Variants in AVL9 observed in about 807,000 individuals in gnomAD.
AVL9 encodes the protein late secretory pathway protein AVL9 homolog.
In AVL9, 49 loss-of-function variants were observed where a neutral mutation model predicts 79.2. The observed-to-expected ratio is 0.62, with a 90% CI of 0.49 to 0.79. AVL9 has a LOEUF of 0.79. AVL9 is among the 30% of genes least tolerant of loss of function. AVL9 has a pLI of 0.00. For synonymous variants in AVL9, 299 were observed against 280.6 expected, an observed-to-expected ratio of 1.07 and a Z score of -0.65; for missense variants, 682 against 776.8, an observed-to-expected ratio of 0.88 and a Z score of 1.45.
At chr7:32,505,750 T>C (rs2128114301) in intron 1 of AVL9, among the ~76,000 whole-genome samples, 1 of 152,236 alleles carries the variant, frequency 6.6e-6, no homozygotes, top group South Asian at 2.1e-4. Flanking sequence ...AAAAAAAGAG[T>C]AACTCAAACA....
intron 10 of AVL9, among the ~76,000 whole-genome samples, chr7:32,561,423 T>G (rs578006296): frequency 6.6e-6 from 1 of 152,218 alleles, no homozygotes; most frequent in East Asian, 1.9e-4. Flanking sequence ...TCTTAAACAT[T>G]GTGAGCTAAC....
At chr7:32,570,707 C>T (rs139685019) in intron 11 of AVL9, among the ~76,000 whole-genome samples, 9 of 151,346 alleles carry the variant, frequency 5.9e-5, no homozygotes, top group African/African-American at 1.9e-4. Flanking sequence ...GCAACCTCCA[C>T]CTCCTGGGTT....
intron 2 of AVL9, 80 bp from the exon 3 acceptor site, chr7:32,544,614 A>C: frequency 2.1e-6 from 2 of 959,960 alleles, no homozygotes; most frequent in South Asian, 1.5e-5. Context: ...TAATGACTGC[A>C]TTATGATAGC....
At chr7:32,582,798 C>G (rs896584796) in intron 15 of AVL9, among the ~76,000 whole-genome samples, 5 of 152,182 alleles carry the variant, frequency 3.3e-5, no homozygotes, top group Non-Finnish European at 5.9e-5. Context: ...GATCCTCCTT[C>G]CTCAGCCTAC....
chr7:32,579,031 A>T (rs1405218830), intron 13 of AVL9, among the ~76,000 whole-genome samples: 1 of 151,738 alleles, frequency 6.6e-6, no homozygotes, highest in Non-Finnish European at 1.5e-5. Flanking sequence ...CAATCCTGTG[A>T]TTCAGGAATC....
intron 1 of AVL9, among the ~76,000 whole-genome samples, chr7:32,506,027 A>C (rs1333143373): frequency 6.6e-6 from 1 of 152,134 alleles, no homozygotes; most frequent in Admixed American, 6.5e-5. Context: ...AAAACTATCC[A>C]TGAGGGTCAC....
chr7:32,527,763 A>C (rs1246009367), intron 1 of AVL9, among the ~76,000 whole-genome samples: 1 of 152,196 alleles, frequency 6.6e-6, no homozygotes, highest in African/African-American at 2.4e-5. Context: ...GCCTCTGGCA[A>C]ATCTTGGCCA....
chr7:32,496,531 A>G (rs1459348691), intron 1 of AVL9, among the ~76,000 whole-genome samples: 1 of 152,224 alleles, frequency 6.6e-6, no homozygotes, highest in Non-Finnish European at 1.5e-5. Flanking sequence ...TCTGAAATGG[A>G]ATATTTGCAA....
chr7:32,541,289 C>T (rs1301286164), intron 1 of AVL9, among the ~76,000 whole-genome samples: 3 of 151,970 alleles, frequency 2.0e-5, no homozygotes, highest in Admixed American at 6.6e-5. Context: ...AATTGGGGTA[C>T]ATAATGTTTG....
chr7:32,508,276 AT>A (rs1787501347), intron 1 of AVL9, among the ~76,000 whole-genome samples: 3 of 152,266 alleles, frequency 2.0e-5, no homozygotes, highest in African/African-American at 7.2e-5. Flanking sequence ...CATTTAAGAC[AT>A]TTTTACTAAT....
chr7:32,543,051 T>A (rs1056851596), intron 1 of AVL9, 90 bp from the exon 2 acceptor site: 33 of 1,529,152 alleles, frequency 2.2e-5, no homozygotes, highest in Non-Finnish European at 2.9e-5. Flanking sequence ...CCGACTTCTG[T>A]CATTCAGGGT....
intron 1 of AVL9, among the ~76,000 whole-genome samples, chr7:32,540,946 T>C (rs1000180295): frequency 7.8e-6 from 1 of 128,624 alleles, no homozygotes; most frequent in Admixed American, 9.7e-5. Flanking sequence ...TCGCCCAGGC[T>C]GGAGTGCAGT....
At chr7:32,539,533 C>G (rs1189008085) in intron 1 of AVL9, among the ~76,000 whole-genome samples, 3 of 152,172 alleles carry the variant, frequency 2.0e-5, no homozygotes, top group African/African-American at 7.2e-5. Flanking sequence ...CATAACACAG[C>G]AGATTTGGCT....
chr7:32,505,421 G>C (rs1787364774), intron 1 of AVL9, among the ~76,000 whole-genome samples: 2 of 151,534 alleles, frequency 1.3e-5, no homozygotes, highest in South Asian at 4.2e-4. Context: ...TACTCGGGAG[G>C]CTGAGGCACA....
rs948816152 is a variant in AVL9, at chr7:32,585,691, T to A, written c.*1784T>A. ...AAATGTCTCTAAATTTTCCACTTTG[T>A]GTTTTCTAAACACAAATTGTATTAC... On this transcript the variant is annotated 3_prime_UTR_variant, in exon 16 of 16. Transcript: ENST00000318709. 49 of 152,222 alleles carry A rather than the reference T, an allele frequency of 3.2e-4. 2 individuals are homozygous for A. The allele number at this position is 152,222 out of a possible 1,614,324, so 9.4% of individuals were successfully genotyped here. A position where few individuals can be genotyped will look rare whatever the true frequency, so the allele number is the denominator to read the frequency against.
chr7:32,539,805 T>C (rs1212724844), intron 1 of AVL9, among the ~76,000 whole-genome samples: 1 of 152,190 alleles, frequency 6.6e-6, no homozygotes, highest in Non-Finnish European at 1.5e-5. Flanking sequence ...GAGACTCGAT[T>C]TTCTTGCTGT....
Position 32,495,846 on chromosome 7 carries a change from G to T in AVL9, c.93+44G>T, listed in dbSNP as rs1041837248. ...CCCGCCCCCAGCCGTTCGGGCGTTCGCCCCTTCCGGGGCCCCCCTGCCCTG... is the reference window on the plus strand; with the variant it reads ...CCCGCCCCCAGCCGTTCGGGCGTTCTCCCCTTCCGGGGCCCCCCTGCCCTG... On this transcript the variant is annotated intron_variant, in intron 1 of 15. Transcript: ENST00000318709. 14 of 1,226,454 alleles carry T rather than the reference G, an allele frequency of 1.1e-5. No homozygotes were observed. The African/African-American group carries it at 2.0e-4, about 18-fold the overall frequency. The allele number at this position is 1,226,454 out of a possible 1,614,324, so 76.0% of individuals were successfully genotyped here.
intron 1 of AVL9, among the ~76,000 whole-genome samples, chr7:32,499,836 A>G (rs577913684): frequency 1.3e-5 from 2 of 152,296 alleles, no homozygotes; most frequent in East Asian, 3.9e-4. Flanking sequence ...TATGAGTGAG[A>G]ACATGTGGTG....
chr7:32,550,656 T>G (rs1031547979), intron 4 of AVL9, among the ~76,000 whole-genome samples: 1 of 152,040 alleles, frequency 6.6e-6, no homozygotes, highest in Non-Finnish European at 1.5e-5. Flanking sequence ...AAAAGAACAT[T>G]ACAAATAAAA....
Sources: gnomAD v4.1 joint callset for allele counts (sites outside exome capture counted in the v4.1 genomes callset) on GRCh38, gnomAD v4.1.1 for gene constraint, MANE v1.5 for transcripts, NCBI Gene and HGNC (gene_info 2026-07-23, HGNC 2026-07-21) for gene names.